The following EPB41 variants were observed in gnomAD, a reference collection of about 807,000 sequenced individuals.
EPB41 encodes erythrocyte membrane protein band 4.1, also known as protein 4.1.
Under a neutral mutation model 108.0 loss-of-function variants are expected in EPB41, and 65 were observed. That is an observed-to-expected ratio of 0.60 (90% confidence interval 0.49 to 0.74). The LOEUF (loss-of-function observed/expected upper bound fraction) is 0.74. EPB41 is among the 30% of genes least tolerant of loss of function. The probability of loss-of-function intolerance (pLI) is 0.00; values close to 1 mark genes in which losing one functional copy is unlikely to be tolerated. For synonymous variants in EPB41, 336 were observed against 358.9 expected (o/e 0.94, Z 0.72); for missense variants, 875 against 1,037.0 (o/e 0.84, Z 2.15).
intron 16 of EPB41, chr1:29,069,147 T>C (rs1649984980): frequency 8.1e-7 from 1 of 1,231,438 alleles, no homozygotes; most frequent in African/African-American, 1.6e-5. Flanking sequence ...TTTTCCTTTT[T>C]TTCTTTTTTG....
At position 29,066,149 on chromosome 1, in the gene EPB41, G is replaced by A. The variant is rs556010630; in HGVS notation, c.2184+991G>A. ...GAAATCCTACATCTGGGCCGGGCGC[G>A]GTGGCTCACGCCTGTAATCCCAGCA... On this transcript the variant is annotated intron_variant, in intron 16 of 20. Transcript: ENST00000343067. Among the ~76,000 whole-genome samples the A allele has an allele frequency of 1.9e-3, 290 of 151,730 alleles. 1 individual carries two copies. Among genetic ancestry groups the A allele is most frequent in the African/African-American group, 6.6e-3 (275 of 41,396 alleles).
chr1:28,976,426 C>A (rs1372536430), intron 1 of EPB41, among the ~76,000 whole-genome samples: 1 of 152,108 alleles, frequency 6.6e-6, no homozygotes, highest in African/African-American at 2.4e-5. Context: ...AGGATCATGA[C>A]TCACTGTAGC....
chr1:29,084,041 C>T (rs1657813373), intron 16 of EPB41, among the ~76,000 whole-genome samples: 1 of 152,052 alleles, frequency 6.6e-6, no homozygotes, highest in African/African-American at 2.4e-5. Context: ...TTCTTCTGTG[C>T]TTAGCAAGAT....
At chr1:28,960,622 G>A (rs2095169387) in intron 1 of EPB41, among the ~76,000 whole-genome samples, 1 of 150,990 alleles carries the variant, frequency 6.6e-6, no homozygotes, top group Admixed American at 6.6e-5. Context: ...ATTTGCTCCT[G>A]TAGAGGCTGT....
intron 15 of EPB41, among the ~76,000 whole-genome samples, chr1:29,064,676 TCTG>T (rs1340313555): frequency 1.3e-5 from 2 of 152,176 alleles, no homozygotes; most frequent in East Asian, 1.9e-4. Context: ...AAGTTAGAGA[TCTG>T]CTGCTGTGTC....
At chr1:29,087,584 A>G (rs1659594675) in intron 16 of EPB41, among the ~76,000 whole-genome samples, 2 of 151,610 alleles carry the variant, frequency 1.3e-5, no homozygotes, top group Non-Finnish European at 2.9e-5. Context: ...CTGGTCTCGA[A>G]CTCCCAACCT....
At chr1:28,945,098 A>AG (rs1321045116) in intron 1 of EPB41, among the ~76,000 whole-genome samples, 10 of 151,798 alleles carry the variant, frequency 6.6e-5, no homozygotes, top group African/African-American at 1.9e-4. Context: ...AAAAAGAAAA[A>AG]AAAAAAAAAA....
chr1:28,981,848 T>C (rs1474876749), intron 1 of EPB41, among the ~76,000 whole-genome samples: 1 of 151,398 alleles, frequency 6.6e-6, no homozygotes, highest in Non-Finnish European at 1.5e-5. Context: ...ATGGTTTTTT[T>C]TTCTTTTTAA....
In EPB41 at chr1:29,033,237, C is replaced by T; in HGVS notation, c.1357C>T (p.Pro453Ser). The T allele has an allele frequency of 6.2e-7, 1 of 1,613,874 alleles. No individual in the cohort carries two copies. Among genetic ancestry groups the T allele is most frequent in the Non-Finnish European group, 8.5e-7 (1 of 1,179,880 alleles). Residue 453 changes from proline to serine, a missense_variant, in exon 9 of 21, where the codon CCT becomes TCT. Transcript: ENST00000343067. ...KRSSFFIKIR[P>S]GEQEQYESTI... ...TAGTAGCTTTTTCATCAAGATTCGG[C>T]CTGGAGAGGTACAGAATTTATATTT...
At chr1:28,928,475 T>C (rs1256847261) in intron 1 of EPB41, among the ~76,000 whole-genome samples, 1 of 152,160 alleles carries the variant, frequency 6.6e-6, no homozygotes, top group Admixed American at 6.6e-5. Flanking sequence ...ACACAAACAG[T>C]ACAGGGGTGT....
At chr1:29,037,996 G>T (rs2150403166) in intron 10 of EPB41, among the ~76,000 whole-genome samples, 1 of 152,104 alleles carries the variant, frequency 6.6e-6, no homozygotes, top group African/African-American at 2.4e-5. Context: ...CTACTTCCGA[G>T]ATTATTTTGA....
At chr1:28,915,875 A>T (rs983281262) in intron 1 of EPB41, among the ~76,000 whole-genome samples, 2 of 151,420 alleles carry the variant, frequency 1.3e-5, no homozygotes, top group African/African-American at 4.9e-5. Context: ...TTGAGGATGT[A>T]CTGTAGTCAA....
intron 1 of EPB41, among the ~76,000 whole-genome samples, chr1:28,892,827 A>G (rs1441296669): frequency 7.9e-6 from 1 of 126,758 alleles, no homozygotes; most frequent in African/African-American, 3.2e-5. Flanking sequence ...TTTTTGAGAC[A>G]GAATCTTACT....
At chr1:28,929,472 C>T (rs575176655) in intron 1 of EPB41, among the ~76,000 whole-genome samples, 27 of 151,714 alleles carry the variant, frequency 1.8e-4, no homozygotes, top group Admixed American at 6.6e-4. Context: ...CCTTGTGATC[C>T]GCCCGCCTCG....
At chr1:28,941,186 TCCTGAGA>T (rs2148773450) in intron 1 of EPB41, among the ~76,000 whole-genome samples, 1 of 150,470 alleles carries the variant, frequency 6.6e-6, no homozygotes, top group South Asian at 2.1e-4. Context: ...GAGATTAGCC[TCCTGAGA>T]CCTGTCTCTA....
intron 16 of EPB41, chr1:29,096,023 A>G (rs1295616517): frequency 2.3e-6 from 1 of 430,600 alleles, no homozygotes; most frequent in East Asian, 1.6e-4. Context: ...TGACCATGTT[A>G]TCAGCTAAGA....
At chr1:29,009,726 C>T (rs773623086) in intron 4 of EPB41, among the ~76,000 whole-genome samples, 25 of 152,214 alleles carry the variant, frequency 1.6e-4, no homozygotes, top group African/African-American at 6.0e-4. Context: ...GGAGAAAACA[C>T]CCAGGTCACG....
At chr1:28,912,896 C>T (rs1035663984), upstream of EPB41, among the ~76,000 whole-genome samples, 1 of 152,126 alleles carries the variant, frequency 6.6e-6, no homozygotes, top group Non-Finnish European at 1.5e-5. Flanking sequence ...GGATTACAGG[C>T]ATGAGCCACC....
chr1:29,025,748 G>A (rs1370657481), intron 7 of EPB41, among the ~76,000 whole-genome samples: 1 of 151,638 alleles, frequency 6.6e-6, no homozygotes, highest in Non-Finnish European at 1.5e-5. Flanking sequence ...AAGCTTTCTG[G>A]CAACATTAGG....
Sources: allele counts gnomAD v4.1 joint callset (sites outside exome capture counted in the v4.1 genomes callset), GRCh38; gene constraint gnomAD v4.1.1; transcripts MANE v1.5; gene names NCBI Gene and HGNC (gene_info 2026-07-23, HGNC 2026-07-21).